OCM2: variants seen among roughly 807,000 people sequenced by gnomAD.
The protein encoded by OCM2 is oncomodulin-2.
OCM2 carries 6 observed loss-of-function variants against 13.6 expected under a neutral mutation model. The ratio of observed to expected loss-of-function variants is 0.44; its 90% confidence interval spans 0.24 to 0.87. The LOEUF (loss-of-function observed/expected upper bound fraction) is 0.87. OCM2 is among the 40% of genes least tolerant of loss of function. The pLI is 0.22. For missense variants in OCM2, 118 were observed against 136.8 expected (o/e 0.86, Z 0.68); for synonymous variants, 40 against 50.7 (o/e 0.79, Z 0.90).
chr7:97,988,336 T>C lies in OCM2; in HGVS notation c.194+80A>G, dbSNP rs951417937. Reference sequence around the variant, plus strand: ...ACACCAAGGCTGGCCATTGAAGAAATACTGAGCAACCTGGCCCCCACTGCA... The same window carrying C: ...ACACCAAGGCTGGCCATTGAAGAAACACTGAGCAACCTGGCCCCCACTGCA... On this transcript the variant is annotated intron_variant, in intron 2 of 3. Transcript: ENST00000257627. The C allele has an allele frequency of 2.6e-5, 40 of 1,566,580 alleles. No homozygotes were observed. The Middle Eastern group carries it at 5.1e-4, about 20-fold the overall frequency.
At chr7:97,988,083 T>C (rs1479595640) in intron 2 of OCM2, among the ~76,000 whole-genome samples, 8 of 151,858 alleles carry the variant, frequency 5.3e-5, no homozygotes, top group South Asian at 2.1e-4. Flanking sequence ...CCCAGCCACT[T>C]GGGAGACTGA....
At chr7:97,990,014 AAT>A in intron 1 of OCM2, 28 bp downstream of exon 1, 28 of 1,385,000 alleles carry the variant, frequency 2.0e-5, no homozygotes, top group Non-Finnish European at 2.5e-5. Context: ...GCTGTGAGGA[AAT>A]CCCACCCCCG....
At chr7:97,988,429 C>T in exon 2 of OCM2, 2 of 1,614,186 alleles carry the variant, frequency 1.2e-6, no homozygotes, top group East Asian at 2.2e-5. Context: ...AGCTCTTCTT[C>T]ATCCAGATAC....
chr7:97,987,071 C>G, exon 3 of OCM2: 5 of 1,613,626 alleles, frequency 3.1e-6, no homozygotes, highest in Non-Finnish European at 4.2e-6. Flanking sequence ...TTCCCATCTC[C>G]ATCATTATCC....
chr7:97,986,983 C>A, intron 3 of OCM2, 64 bp downstream of exon 3: 5 of 1,607,058 alleles, frequency 3.1e-6, no homozygotes, highest in Non-Finnish European at 2.6e-6. Flanking sequence ...GATCTCACAG[C>A]CCAACCCCTC....
At chr7:97,986,518 C>T (rs554932884) in intron 3 of OCM2, among the ~76,000 whole-genome samples, 43 of 152,216 alleles carry the variant, frequency 2.8e-4, no homozygotes, top group African/African-American at 1.0e-3. Flanking sequence ...ATTCTGCCTA[C>T]GGAAGACTCA....
intron 2 of OCM2, among the ~76,000 whole-genome samples, 172 bp from the exon 3 acceptor site, chr7:97,987,328 A>C (rs954936271): frequency 5.9e-5 from 9 of 151,992 alleles, no homozygotes; most frequent in African/African-American, 2.2e-4. Context: ...TGGGCACTTC[A>C]TTTTTAAGGT....
intron 2 of OCM2, 74 bp downstream of exon 2, chr7:97,988,342 G>A: frequency 7.6e-6 from 12 of 1,578,522 alleles, no homozygotes; most frequent in Non-Finnish European, 9.5e-6. Flanking sequence ...GAAATACTGA[G>A]CAACCTGGCC....
exon 2 of OCM2, chr7:97,988,478 C>T (rs1475607180): frequency 6.2e-7 from 1 of 1,614,208 alleles, no homozygotes. Context: ...AAACATCCTT[C>T]ACCTGACTGG....
chr7:97,985,608 G>T (rs917707115), intron 3 of OCM2, among the ~76,000 whole-genome samples: 4 of 152,092 alleles, frequency 2.6e-5, no homozygotes, highest in African/African-American at 9.7e-5. Flanking sequence ...GATAATGCAT[G>T]AATTCACTGT....
At position 97,987,032 on chromosome 7, in the gene OCM2, C is replaced by T. The variant is rs761011391; in HGVS notation, c.304+15G>A. The T allele has an allele frequency of 1.9e-6, 3 of 1,611,996 alleles. No homozygotes were observed. Among genetic ancestry groups the T allele is most frequent in the Non-Finnish European group, 2.5e-6 (3 of 1,178,684 alleles). On this transcript the variant is annotated intron_variant, in intron 3 of 3. Coordinates refer to ENST00000257627, the Ensembl canonical transcript of OCM2. ...GAGCTAGAGTGTTTTATGCTACGTA[C>T]ACGTGTGGACATACCCTCTGCTCCA...
At chr7:97,990,014 A>G in intron 1 of OCM2, 30 bp downstream of exon 1, 4 of 1,385,012 alleles carry the variant, frequency 2.9e-6, no homozygotes, top group Non-Finnish European at 4.1e-6. Flanking sequence ...GCTGTGAGGA[A>G]ATCCCACCCC....
intron 1 of OCM2, 28 bp downstream of exon 1, chr7:97,990,016 T>TGGCCCCC: frequency 7.4e-6 from 8 of 1,083,836 alleles, no homozygotes; most frequent in Non-Finnish European, 1.1e-5. Context: ...TGTGAGGAAA[T>TGGCCCCC]CCCACCCCCG....
At chr7:97,987,752 G>A (rs1316241876) in intron 2 of OCM2, among the ~76,000 whole-genome samples, 1 of 152,022 alleles carries the variant, frequency 6.6e-6, no homozygotes, top group Non-Finnish European at 1.5e-5. Context: ...GCACGATCTG[G>A]GCTCACTGCA....
chr7:97,990,025 C>CTG lies in OCM2; in HGVS notation c.61+18_61+19insCA. On this transcript the variant is annotated intron_variant, in intron 1 of 3. Transcript: ENST00000257627. ...CAAAGCTGTGAGGAAATCCCACCCCCGCCCCACGTCCCCTCTACCTTGGCA... is the reference window on the plus strand; with the variant it reads ...CAAAGCTGTGAGGAAATCCCACCCCCTGGCCCCACGTCCCCTCTACCTTGGCA... The CTG allele has an allele frequency of 6.6e-7, 1 of 1,523,212 alleles. No individual in the cohort carries two copies. The highest frequency in any genetic ancestry group is 9.1e-7 in the Non-Finnish European group (1 of 1,097,880). The allele number at this position is 1,523,212 out of a possible 1,614,324, so 94.4% of individuals were successfully genotyped here.
chr7:97,987,115 G>T (rs1277648267), exon 3 of OCM2: 1 of 1,613,880 alleles, frequency 6.2e-7, no homozygotes, highest in Admixed American at 1.7e-5. Flanking sequence ...TTCTGACTCG[G>T]TCAGTTCTCT....
In OCM2 at chr7:97,987,034, C is replaced by A; in HGVS notation, c.304+13G>T. 6.2e-7 allele frequency: 1 copy of A among 1,612,454 alleles called. No individual in the cohort carries two copies. The highest frequency in any genetic ancestry group is 8.5e-7 in the Non-Finnish European group (1 of 1,179,044). ...GCTAGAGTGTTTTATGCTACGTACA[C>A]GTGTGGACATACCCTCTGCTCCAAT... is the stretch of plus-strand genomic sequence containing the variant. On this transcript the variant is annotated intron_variant, in intron 3 of 3. Transcript: ENST00000257627.
intron 2 of OCM2, among the ~76,000 whole-genome samples, 188 bp from the exon 3 acceptor site, chr7:97,987,344 T>G (rs1383194034): frequency 2.0e-5 from 3 of 152,048 alleles, no homozygotes. Flanking sequence ...AAGGTTTTGT[T>G]TGTTTGTTTG....
chr7:97,988,441 C>T (rs777688959), exon 2 of OCM2: 13 of 1,614,164 alleles, frequency 8.1e-6, no homozygotes, highest in East Asian at 6.7e-5. Flanking sequence ...TCCAGATACC[C>T]GCTCTGGTCG....
Sources: allele counts gnomAD v4.1 joint callset (sites outside exome capture counted in the v4.1 genomes callset), GRCh38; gene constraint gnomAD v4.1.1; transcripts MANE v1.5; gene names NCBI Gene and HGNC (gene_info 2026-07-23, HGNC 2026-07-21).